LRRC9: variants seen among roughly 807,000 people sequenced by gnomAD.
LRRC9 encodes leucine rich repeat containing 9.
In LRRC9, 122 loss-of-function variants were observed where a neutral mutation model predicts 63.2. The observed-to-expected ratio is 1.93, with a 90% confidence interval of 1.67 to 2.24. LRRC9 has a LOEUF of 2.24. Among genes scored for constraint, LRRC9 ranks in the 30% most tolerant of loss-of-function variants. LRRC9 has a pLI of 0.00. For synonymous variants in LRRC9, 366 were observed against 213.1 expected (o/e 1.72, Z -6.25); for missense variants, 1,071 against 627.7 (o/e 1.71, Z -7.55).
chr14:60,025,564 C>G (rs1891478980), intron 27 of LRRC9, among the ~76,000 whole-genome samples: 1 of 151,752 alleles, frequency 6.6e-6, no homozygotes, highest in Non-Finnish European at 1.5e-5. Context: ...GCAGTTTACT[C>G]TGACAATAAC....
At position 60,004,729 on chromosome 14, in the gene LRRC9, G is replaced by A. The variant is rs1889670217; in HGVS notation, c.2842+931G>A. Among the ~76,000 whole-genome samples, 3 of 152,000 alleles carry A rather than the reference G, an allele frequency of 2.0e-5. No homozygotes were observed. The highest frequency in any genetic ancestry group is 1.3e-4 in the Admixed American group (2 of 15,248). ...ATTTTATTCTTACCTTCATTAGAAA[G>A]AAATTGAAAGAAGCTTTCCATGACT... On this transcript the variant is annotated intron_variant, in intron 21 of 31. Coordinates refer to ENST00000445360, the Ensembl canonical transcript of LRRC9. The surrounding 1 kb of genome is among the most constrained non-coding windows in gnomAD (Gnocchi z 4.8).
chr14:59,930,373 G>A lies in LRRC9; in HGVS notation c.268-545G>A, dbSNP rs1362460793. On this transcript the variant is annotated intron_variant, in intron 3 of 31. Transcript: ENST00000445360. The surrounding 1 kb of genome is among the most constrained non-coding windows in gnomAD (Gnocchi z 4.9). ...AATAGCAGAAAACAACCATATGCAC[G>A]AAGCTACTTGTTGCAGCATTATTTA... Among the ~76,000 whole-genome samples, 1 of 151,946 alleles carries A rather than the reference G, an allele frequency of 6.6e-6. No individual in the cohort carries two copies. The highest frequency in any genetic ancestry group is 1.5e-5 in the Non-Finnish European group (1 of 67,926).
In LRRC9 at chr14:60,004,790, A is replaced by G. The variant is rs559217129; in HGVS notation, c.2842+992A>G. Among the ~76,000 whole-genome samples, 36 of 152,078 alleles carry G rather than the reference A, an allele frequency of 2.4e-4. 1 individual carries two copies. In the East Asian group the frequency reaches 6.6e-3, roughly 28 times the overall value. On this transcript the variant is annotated intron_variant, in intron 21 of 31. Transcript: ENST00000445360. The surrounding 1 kb of genome is among the most constrained non-coding windows in gnomAD (Gnocchi z 4.8). ...TTTCTCTTATTCTCCCTCTCCATCTACTCAAAAGAGTAACTAACTCCTAGA... is the reference window on the plus strand; with the variant it reads ...TTTCTCTTATTCTCCCTCTCCATCTGCTCAAAAGAGTAACTAACTCCTAGA...
chr14:60,005,969 T>A (rs1889772657), intron 21 of LRRC9, among the ~76,000 whole-genome samples: 1 of 152,158 alleles, frequency 6.6e-6, no homozygotes, highest in African/African-American at 2.4e-5. Context: ...TTCATTTTAA[T>A]ACAAACGATG....
At chr14:59,973,088 C>T (rs2140041272) in intron 12 of LRRC9, among the ~76,000 whole-genome samples, 1 of 151,994 alleles carries the variant, frequency 6.6e-6, no homozygotes, top group South Asian at 2.1e-4. Flanking sequence ...AGCAATCACA[C>T]CTATTTGTAT....
At position 60,017,944 on chromosome 14, in the gene LRRC9, C is replaced by T. The variant is rs746602112; in HGVS notation, c.3318-427C>T. Among the ~76,000 whole-genome samples the T allele has an allele frequency of 1.7e-4, 26 of 152,080 alleles. No individual in the cohort carries two copies. The highest frequency in any genetic ancestry group is 3.2e-4 in the Non-Finnish European group (22 of 67,968). ...TTTTCCTTTCCTTTCCTATCCCTAA[C>T]CACTTCCTGGTATTTCAGAAATGAC... On this transcript the variant is annotated intron_variant, in intron 24 of 31. Transcript: ENST00000445360. The surrounding 1 kb of genome is among the most constrained non-coding windows in gnomAD (Gnocchi z 4.0).
intron 25 of LRRC9, 132 bp downstream of exon 25, chr14:60,018,611 T>C: frequency 6.4e-6 from 3 of 471,732 alleles, no homozygotes; most frequent in Non-Finnish European, 1.1e-5. Flanking sequence ...TTTTTTTTTG[T>C]TTTTTACTAA....
At chr14:60,050,068 C>T (rs1893761199) in intron 29 of LRRC9, among the ~76,000 whole-genome samples, 1 of 152,074 alleles carries the variant, frequency 6.6e-6, no homozygotes, top group Non-Finnish European at 1.5e-5. Flanking sequence ...ACAATCTCGG[C>T]TCACTGCAAC....
exon 31 of LRRC9, chr14:60,057,998 G>A (rs145337654): frequency 1.9e-4 from 126 of 653,758 alleles, no homozygotes; most frequent in Non-Finnish European, 3.1e-4. Context: ...GGGATCTGAC[G>A]TCACTTTAAC....
Position 59,964,736 on chromosome 14 carries a change from A to C in LRRC9, c.1212-1853A>C, listed in dbSNP as rs967671313. Among the ~76,000 whole-genome samples the C allele has an allele frequency of 6.6e-6, 1 of 152,162 alleles. No homozygotes were observed. The highest frequency in any genetic ancestry group is 6.5e-5 in the Admixed American group (1 of 15,280). On this transcript the variant is annotated intron_variant, in intron 10 of 31. Coordinates refer to ENST00000445360, the Ensembl canonical transcript of LRRC9. The surrounding 1 kb of genome is among the most constrained non-coding windows in gnomAD (Gnocchi z 4.4). Reference sequence around the variant, plus strand: ...GGAGGGGCAGTAGCTTCCCCACCTCAGATGCTAATGTGGCTGTTTTGTAGG... The same window carrying C: ...GGAGGGGCAGTAGCTTCCCCACCTCCGATGCTAATGTGGCTGTTTTGTAGG...
chr14:60,011,668 C>T (rs1484240833), intron 23 of LRRC9, among the ~76,000 whole-genome samples: 1 of 152,066 alleles, frequency 6.6e-6, no homozygotes, highest in Non-Finnish European at 1.5e-5. Context: ...AATAATTGGA[C>T]ATGAAGACTA....
At chr14:60,059,706 G>A (rs992253442) in intron 31 of LRRC9, among the ~76,000 whole-genome samples, 2 of 152,180 alleles carry the variant, frequency 1.3e-5, no homozygotes, top group Non-Finnish European at 2.9e-5. Context: ...TGAAAGTGGT[G>A]AGAAAGCTGC....
At chr14:59,944,950 T>G (rs1882199251) in intron 8 of LRRC9, among the ~76,000 whole-genome samples, 1 of 151,846 alleles carries the variant, frequency 6.6e-6, no homozygotes, top group African/African-American at 2.4e-5. Context: ...TCCAGGTACT[T>G]AACTAAGCTA....
In LRRC9 at chr14:59,936,040, G is replaced by A. The variant is rs537201948; in HGVS notation, c.544-2350G>A. Among the ~76,000 whole-genome samples the A allele has an allele frequency of 1.3e-5, 2 of 152,284 alleles. No homozygotes were observed. Among genetic ancestry groups the A allele is most frequent in the East Asian group, 3.9e-4 (2 of 5,188 alleles). On this transcript the variant is annotated intron_variant, in intron 6 of 31. Transcript: ENST00000445360. The surrounding 1 kb of genome is among the most constrained non-coding windows in gnomAD (Gnocchi z 4.2). Reference sequence around the variant, plus strand: ...TCAGGTCTTGCTCTGCCTCATACTAGAGGCAGCATAATACGGTGGAACATG... The same window carrying A: ...TCAGGTCTTGCTCTGCCTCATACTAAAGGCAGCATAATACGGTGGAACATG...
At chr14:60,019,067 T>C in intron 25 of LRRC9, 54 bp from the exon 26 acceptor site, 1 of 619,624 alleles carries the variant, frequency 1.6e-6, no homozygotes, top group Admixed American at 2.7e-5. Flanking sequence ...GTTTTATCCA[T>C]ACAATTTTTA....
chr14:59,962,603 A>G lies in LRRC9; in HGVS notation c.1211+1558A>G, dbSNP rs1262906555. ...TTTTTAGTGGAGACGGGGTTTTGCC[A>G]TGTTGGCCAGGCTGGTCTCAAACTC... On this transcript the variant is annotated intron_variant, in intron 10 of 31. Transcript: ENST00000445360. This position sits in a 1 kb window ranked among gnomAD's most constrained non-coding sequence, Gnocchi z 5.1. Among the ~76,000 whole-genome samples, 2 of 152,116 alleles carry G rather than the reference A, an allele frequency of 1.3e-5. No individual in the cohort carries two copies. The highest frequency in any genetic ancestry group is 2.4e-5 in the African/African-American group (1 of 41,430).
At chr14:59,963,414 T>C (rs548494445) in intron 10 of LRRC9, among the ~76,000 whole-genome samples, 2 of 152,120 alleles carry the variant, frequency 1.3e-5, no homozygotes, top group South Asian at 4.1e-4. Flanking sequence ...ATTGACATCA[T>C]ACAACATTTA....
intron 8 of LRRC9, among the ~76,000 whole-genome samples, chr14:59,947,614 T>G (rs1224873694): frequency 7.3e-6 from 1 of 136,514 alleles, no homozygotes; most frequent in Non-Finnish European, 1.6e-5. Context: ...ATGCCTAGGT[T>G]TTCTTCTAGG....
chr14:59,924,678 T>C (rs1889058719), intron 1 of LRRC9, among the ~76,000 whole-genome samples: 1 of 152,188 alleles, frequency 6.6e-6, no homozygotes, highest in African/African-American at 2.4e-5. Flanking sequence ...TGACAGTTCT[T>C]GTTACTCTTC....
Sources: gnomAD v4.1 joint callset for allele counts (sites outside exome capture counted in the v4.1 genomes callset) on GRCh38, gnomAD v4.1.1 for gene constraint, Gnocchi (gnomAD v3.1) non-coding constraint, MANE v1.5 for transcripts, NCBI Gene and HGNC (gene_info 2026-07-23, HGNC 2026-07-21) for gene names.